The following METTL16 variants were observed in gnomAD, a reference collection of about 807,000 sequenced individuals.
METTL16 encodes the protein RNA N(6)-adenosine-methyltransferase METTL16.
A neutral mutation model predicts 57.9 loss-of-function variants in METTL16; 19 were observed. The ratio of observed to expected loss-of-function variants is 0.33; its 90% CI spans 0.23 to 0.48. METTL16 has a LOEUF of 0.48. Among genes scored for constraint, METTL16 ranks in the 20% least tolerant of loss-of-function variants. The probability of loss-of-function intolerance (pLI) is 0.99; values close to 1 mark genes in which losing one functional copy is unlikely to be tolerated. For synonymous variants in METTL16, 246 were observed against 255.6 expected (o/e 0.96, Z 0.36); for missense variants, 434 against 691.5 (o/e 0.63, Z 4.18).
At chr17:2,459,494 C>T (rs2067134026) in intron 6 of METTL16, among the ~76,000 whole-genome samples, 1 of 152,218 alleles carries the variant, frequency 6.6e-6, no homozygotes, top group Non-Finnish European at 1.5e-5. Context: ...ACACATTTAA[C>T]TTATTTCACC....
rs1457968555 is a variant in METTL16 at position 2,511,765 on chromosome 17, G to A, written c.-7C>T. ...AGAGATATAAGTGACCCACCTCTGA[G>A]GCCGAGGTTCCTGCCAGACGTCGTG... is the stretch of plus-strand genomic sequence containing the variant. On this transcript the variant is annotated 5_prime_UTR_variant, in exon 1 of 10. Coordinates refer to ENST00000263092, the MANE Select transcript of METTL16 (RefSeq NM_024086.4). 5.0e-6 allele frequency: 2 copies of A among 398,414 alleles called. No individual in the cohort carries two copies. Among genetic ancestry groups the A allele is most frequent in the African/African-American group, 2.1e-5 (1 of 48,618 alleles). 24.7% of individuals were successfully genotyped at this position (398,414 alleles called of 1,614,324 possible). A position where few individuals can be genotyped will look rare whatever the true frequency, so the allele number is the denominator to read the frequency against.
intron 8 of METTL16, among the ~76,000 whole-genome samples, chr17:2,425,760 C>T (rs1178891117): frequency 6.6e-6 from 1 of 151,844 alleles, no homozygotes; most frequent in Admixed American, 6.6e-5. Flanking sequence ...AATTACGGCT[C>T]AGTGCAGCCT....
chr17:2,437,402 C>T (rs2066916378), intron 8 of METTL16, among the ~76,000 whole-genome samples: 1 of 152,124 alleles, frequency 6.6e-6, no homozygotes, highest in African/African-American at 2.4e-5. Flanking sequence ...CCCCAAGAGG[C>T]AGCTATTCTA....
At chr17:2,499,617 G>A (rs1038559669) in intron 2 of METTL16, among the ~76,000 whole-genome samples, 1 of 152,056 alleles carries the variant, frequency 6.6e-6, no homozygotes, top group African/African-American at 2.4e-5. Flanking sequence ...GGTGCCAAAG[G>A]TGATTATGGT....
At chr17:2,448,801 T>TAAAA (rs1567889993) in intron 6 of METTL16, among the ~76,000 whole-genome samples, 5 of 47,388 alleles carry the variant, frequency 1.1e-4, no homozygotes, top group African/African-American at 9.5e-4. Context: ...AAAATAAAAT[T>TAAAA]TAAAAAAAAA....
chr17:2,446,106 G>A (rs2066993412), intron 6 of METTL16, among the ~76,000 whole-genome samples: 1 of 151,982 alleles, frequency 6.6e-6, no homozygotes, highest in Non-Finnish European at 1.5e-5. Flanking sequence ...AAACAGACTA[G>A]AAATAGAAGA....
chr17:2,444,713 A>AT lies in METTL16; in HGVS notation c.729-3155dup, dbSNP rs1284220670. On this transcript the variant is annotated intron_variant, in intron 6 of 9. Coordinates refer to ENST00000263092, the MANE Select transcript of METTL16 (RefSeq NM_024086.4). ...GGTAAGTGCCCTACACAGATGGACC[A>AT]TTTTTTTTTTTTTTTTTTGAGATGG... Among the ~76,000 whole-genome samples, 1,067 of 129,312 alleles carry AT rather than the reference A, an allele frequency of 8.3e-3. 15 individuals are homozygous for AT. The highest frequency in any genetic ancestry group is 0.02 in the African/African-American group (710 of 35,156). 84.8% of individuals were successfully genotyped at this position (129,312 alleles called of 152,430 possible). A position where few individuals can be genotyped will look rare whatever the true frequency, so the allele number is the denominator to read the frequency against.
At position 2,420,328 on chromosome 17, in the gene METTL16, A is replaced by G. The variant is rs746541128; in HGVS notation, c.1331T>C (p.Val444Ala). Residue 444 changes from valine to alanine, a missense_variant, in exon 10 of 10, where the codon GTG becomes GCG. Coordinates refer to ENST00000263092, the MANE Select transcript of METTL16 (RefSeq NM_024086.4). The surrounding 1 kb of genome is among the most constrained non-coding windows in gnomAD (Gnocchi z 5.4). ...PALREGEAAA[V>A]EGPCPSQESL... ...CTCCTGGCTCGGGCACGGGCCCTCC[A>G]CAGCGGCAGCCTCGCCTTCCCGCAG... is the stretch of plus-strand genomic sequence containing the variant. 3 of 1,611,740 alleles carry G rather than the reference A, an allele frequency of 1.9e-6. No individual in the cohort carries two copies. The highest frequency in any genetic ancestry group is 1.7e-5 in the Admixed American group (1 of 59,998).
At chr17:2,497,406 A>AATTG (rs887908030) in intron 2 of METTL16, among the ~76,000 whole-genome samples, 4 of 137,318 alleles carry the variant, frequency 2.9e-5, no homozygotes, top group African/African-American at 1.1e-4. Flanking sequence ...TCTACCTCTC[A>AATTG]AGCTCAAGCG....
rs750720260 is a variant in METTL16 at position 2,419,975 on chromosome 17, T to TA, written c.1683dup (p.Asn562Ter). 3 of 1,614,038 alleles carry TA rather than the reference T, an allele frequency of 1.9e-6. No homozygotes were observed. Among genetic ancestry groups the TA allele is most frequent in the South Asian group, 2.2e-5 (2 of 91,074 alleles). On this transcript the variant is annotated frameshift_variant, in exon 10 of 10. Coordinates refer to ENST00000263092, the MANE Select transcript of METTL16 (RefSeq NM_024086.4). LOFTEE classifies it high-confidence loss of function. ...TCCAACTGTGCAGGAGGTTTCTAGT[T>TA]AACTGCAACAAGCCTGAAAATTTGG...
rs141317937 is a variant in METTL16, at chr17:2,499,251, T to TA, written c.128+2952dup. Among the ~76,000 whole-genome samples the TA allele has an allele frequency of 7.2e-3, 1,097 of 151,616 alleles. 48 individuals are homozygous for TA. The highest frequency in any genetic ancestry group is 0.025 in the African/African-American group (1,023 of 41,026). On this transcript the variant is annotated intron_variant, in intron 2 of 9. Coordinates refer to ENST00000263092, the MANE Select transcript of METTL16 (RefSeq NM_024086.4). The stretch of plus-strand genomic sequence containing the variant: ...TTCCTAGAACTGAGCACAATGTGGC[T>TA]AATCAATAGGTTTTTGTTAAATAGC...
intron 8 of METTL16, among the ~76,000 whole-genome samples, chr17:2,432,671 A>T (rs932486284): frequency 1.3e-5 from 2 of 152,230 alleles, no homozygotes; most frequent in South Asian, 4.1e-4. Flanking sequence ...AACTTCCGGC[A>T]TAAATGGGTT....
chr17:2,438,076 C>A, intron 8 of METTL16, 33 bp downstream of exon 8: 1 of 1,450,706 alleles, frequency 6.9e-7, no homozygotes, highest in Non-Finnish European at 9.7e-7. Context: ...CATGTGCTGG[C>A]AGGTGGTGAA....
intron 6 of METTL16, among the ~76,000 whole-genome samples, chr17:2,452,472 G>A (rs1196837501): frequency 6.6e-6 from 1 of 152,034 alleles, no homozygotes; most frequent in African/African-American, 2.4e-5. Context: ...CGGGCATCTT[G>A]TGACAACTAA....
At chr17:2,423,879 G>A (rs1019073808) in intron 8 of METTL16, among the ~76,000 whole-genome samples, 9 of 152,062 alleles carry the variant, frequency 5.9e-5, no homozygotes, top group East Asian at 1.9e-4. Flanking sequence ...TTACCAACCT[G>A]ACAAGAACTC....
At chr17:2,486,309 T>A (rs1257508494) in intron 2 of METTL16, among the ~76,000 whole-genome samples, 1 of 151,858 alleles carries the variant, frequency 6.6e-6, no homozygotes, top group Non-Finnish European at 1.5e-5. Context: ...TCTCGCTCTG[T>A]CACCCAGGCT....
intron 6 of METTL16, among the ~76,000 whole-genome samples, chr17:2,459,736 T>G (rs1218700699): frequency 6.6e-6 from 1 of 152,212 alleles, no homozygotes. Context: ...GCGCAGTGGC[T>G]CATGCCTTTC....
At chr17:2,496,239 T>C (rs2067444147) in intron 2 of METTL16, among the ~76,000 whole-genome samples, 1 of 151,734 alleles carries the variant, frequency 6.6e-6, no homozygotes, top group African/African-American at 2.4e-5. Flanking sequence ...CTAAGTTCAC[T>C]CTTCTCTGTA....
At position 2,506,430 on chromosome 17, in the gene METTL16, C is replaced by T. The variant is rs955787706; in HGVS notation, c.1-4099G>A. ...CCTGCCGAGTGCCTGCGATTGCAGG[C>T]GCACGCCGCCACGCCTGACTGGTTT... On this transcript the variant is annotated intron_variant, in intron 1 of 9. Transcript: ENST00000263092. 1.1e-4 allele frequency among the ~76,000 whole-genome samples: 16 copies of T among 151,968 alleles called. No homozygotes were observed. In the East Asian group the frequency reaches 2.7e-3, roughly 26 times the overall value.
Sources: gnomAD v4.1 joint callset for allele counts (sites outside exome capture counted in the v4.1 genomes callset) on GRCh38, gnomAD v4.1.1 for gene constraint, Gnocchi (gnomAD v3.1) non-coding constraint, MANE v1.5 for transcripts, NCBI Gene and HGNC (gene_info 2026-07-23, HGNC 2026-07-21) for gene names.